Variants in PTGS1 observed in about 807,000 individuals in gnomAD.
PTGS1 encodes the protein prostaglandin G/H synthase 1.
A neutral mutation model predicts 63.0 loss-of-function variants in PTGS1; 40 were observed. That is an observed-to-expected ratio of 0.63 (90% CI 0.49 to 0.83). The LOEUF is 0.83. Ranked by LOEUF, PTGS1 falls within the 40% of genes least tolerant of loss-of-function variation. The pLI is 0.00. For synonymous variants in PTGS1, 298 were observed against 301.9 expected, an observed-to-expected ratio of 0.99 and a Z score of 0.13; for missense variants, 709 against 786.5, an observed-to-expected ratio of 0.90 and a Z score of 1.18.
rs1838370981 is a variant in PTGS1 at position 122,392,846 on chromosome 9, C to T, written c.*302C>T. On this transcript the variant is annotated 3_prime_UTR_variant, in exon 11 of 11. Transcript: ENST00000362012. ...TCAGATTTCTGGTTGATTTGTAACA[C>T]AGTCATTCTAGGATGTGGAGCTACT... 1 of 297,144 alleles carries T rather than the reference C, an allele frequency of 3.4e-6. No homozygotes were observed. Among genetic ancestry groups the T allele is most frequent in the Non-Finnish European group, 6.3e-6 (1 of 158,836 alleles). The allele number at this position is 297,144 out of a possible 1,614,324, so 18.4% of individuals were successfully genotyped here.
At chr9:122,374,688 T>C (rs954152059) in intron 2 of PTGS1, among the ~76,000 whole-genome samples, 4 of 152,158 alleles carry the variant, frequency 2.6e-5, no homozygotes, top group Non-Finnish European at 5.9e-5. Context: ...TGGCAGGAGA[T>C]GGTGATCCCC....
chr9:122,383,207 CTTTTTT>C (rs556984692), intron 7 of PTGS1, among the ~76,000 whole-genome samples: 1 of 70,498 alleles, frequency 1.4e-5, no homozygotes, highest in Non-Finnish European at 2.4e-5. Flanking sequence ...TTTTTTTTTT[CTTTTTT>C]TTTTTTTTCT....
At chr9:122,379,818 T>C (rs919118658) in intron 5 of PTGS1, among the ~76,000 whole-genome samples, 18 of 152,072 alleles carry the variant, frequency 1.2e-4, no homozygotes, top group African/African-American at 4.4e-4. Context: ...TGATATTTTT[T>C]CCTGCCAGAG....
At chr9:122,371,117 G>C (rs1395943902) in intron 1 of PTGS1, 26 bp downstream of exon 1, 1 of 1,605,152 alleles carries the variant, frequency 6.2e-7, no homozygotes, top group Non-Finnish European at 8.5e-7. Flanking sequence ...GTGCCCGGTG[G>C]GGAATTTTCT....
At chr9:122,385,241 A>G (rs1388408735) in intron 8 of PTGS1, among the ~76,000 whole-genome samples, 1 of 152,172 alleles carries the variant, frequency 6.6e-6, no homozygotes, top group Non-Finnish European at 1.5e-5. Flanking sequence ...TATAGGCATG[A>G]GCCACAGCGC....
In PTGS1 at chr9:122,378,803, C is replaced by A. The variant is rs112033264; in HGVS notation, c.381C>A (p.Pro127=). The A allele has an allele frequency of 1.2e-6, 2 of 1,614,244 alleles. No homozygotes were observed. The highest frequency in any genetic ancestry group is 1.6e-4 in the Middle Eastern group (1 of 6,062). Residue 127 remains proline (P), a synonymous_variant, in exon 5 of 11, where the codon CCC becomes CCA. Transcript: ENST00000362012. ...GCTCCAACCTTATCCCCAGTCCCCC[C>A]ACCTACAACTCAGCACATGACTACA... The part of the protein sequence containing the change: ...TVRSNLIPSP[P]TYNSAHDYIS...
chr9:122,383,216 T>A, intron 7 of PTGS1, among the ~76,000 whole-genome samples: 1 of 147,538 alleles, frequency 6.8e-6, no homozygotes, highest in African/African-American at 2.6e-5. Flanking sequence ...TCTTTTTTTT[T>A]TTTTTCTTTT....
intron 2 of PTGS1, chr9:122,371,924 T>C: frequency 1.0e-6 from 1 of 989,576 alleles, no homozygotes; most frequent in Non-Finnish European, 1.5e-6. Flanking sequence ...CTTCGCAAGG[T>C]CTTTCCACAG....
In PTGS1 at chr9:122,383,509, G is replaced by A. The variant is rs1351651607; in HGVS notation, c.763G>A (p.Val255Met). The change falls in exon 8 of 11, where the codon GTG (valine) becomes ATG (methionine). Residue 255 changes from valine (V) to methionine (M), a missense_variant and splice_region_variant. Val to Met is a conservative substitution (Grantham distance 21). Transcript: ENST00000362012. Reference protein sequence around the residue: ...LFKDGKLKYQVLDGEMYPPSV... With the variant: ...LFKDGKLKYQMLDGEMYPPSV... Reference sequence around the variant, plus strand: ...GTTGCCAGGTGGCCCCATCCCACAGGTGCTGGATGGAGAAATGTACCCGCC... The same window carrying A: ...GTTGCCAGGTGGCCCCATCCCACAGATGCTGGATGGAGAAATGTACCCGCC... The A allele has an allele frequency of 1.9e-6, 3 of 1,603,918 alleles. No individual in the cohort carries two copies. The highest frequency in any genetic ancestry group is 2.2e-5 in the South Asian group (2 of 90,536).
In PTGS1 at chr9:122,392,096, C is replaced by T. The variant is rs776752343; in HGVS notation, c.1445-93C>T. On this transcript the variant is annotated intron_variant, in intron 10 of 10. Transcript: ENST00000362012. ...TAGTCTCCTGGAGTCCCTATTATCC[C>T]CAGAAAAAGGTGGACCTGGAAGGGT... The T allele has an allele frequency of 4.0e-4, 445 of 1,111,008 alleles. 1 individual carries two copies. Among genetic ancestry groups the T allele is most frequent in the Non-Finnish European group, 5.1e-4 (399 of 789,542 alleles). 68.8% of individuals were successfully genotyped at this position (1,111,008 alleles called of 1,614,324 possible). A position where few individuals can be genotyped will look rare whatever the true frequency, so the allele number is the denominator to read the frequency against.
At chr9:122,371,579 C>T (rs922435092) in intron 2 of PTGS1, 2 of 1,429,742 alleles carry the variant, frequency 1.4e-6, no homozygotes, top group African/African-American at 2.9e-5. Context: ...GTCTAAGCAG[C>T]CTCTGCACCC....
chr9:122,371,949 C>A, intron 2 of PTGS1: 1 of 781,676 alleles, frequency 1.3e-6, no homozygotes. Context: ...CTGCTTCTAC[C>A]CACAATGGAC....
At chr9:122,391,213 T>G (rs1000705368) in intron 10 of PTGS1, among the ~76,000 whole-genome samples, 6 of 148,970 alleles carry the variant, frequency 4.0e-5, no homozygotes, top group Non-Finnish European at 7.4e-5. Flanking sequence ...CGTATTCATA[T>G]GAATAAAGTA....
chr9:122,374,947 T>C (rs1046192504), intron 2 of PTGS1, among the ~76,000 whole-genome samples: 2 of 152,180 alleles, frequency 1.3e-5, no homozygotes, highest in African/African-American at 4.8e-5. Flanking sequence ...TTCCTCATTA[T>C]GCAATGGGGA....
intron 10 of PTGS1, among the ~76,000 whole-genome samples, chr9:122,391,859 T>C (rs1838306006): frequency 6.6e-6 from 1 of 152,130 alleles, no homozygotes; most frequent in African/African-American, 2.4e-5. Context: ...GGGAGCATTC[T>C]CCCTTCTGTG....
At chr9:122,370,701 T>C (rs1247775691), upstream of PTGS1, 2 of 430,064 alleles carry the variant, frequency 4.7e-6, no homozygotes, top group South Asian at 4.5e-5. Flanking sequence ...GACCCTTTCT[T>C]CTCTGCGGGG....
chr9:122,381,518 T>C lies in PTGS1; in HGVS notation c.644T>C (p.Met215Thr). Residue 215 changes from methionine to threonine, a missense_variant, in exon 6 of 11, where the codon ATG becomes ACG. Met to Thr is a moderately conservative substitution (Grantham distance 81). Coordinates refer to ENST00000362012, the MANE Select transcript of PTGS1 (RefSeq NM_000962.4). ...CAGTTCTTCAAAACTTCTGGCAAGA[T>C]GGGTCCTGGCTTCACCAAGGCCTTG... ...THQFFKTSGKMGPGFTKALGH... is the reference protein window; with the variant it reads ...THQFFKTSGKTGPGFTKALGH... The C allele has an allele frequency of 6.2e-7, 1 of 1,614,200 alleles. No individual in the cohort carries two copies. The highest frequency in any genetic ancestry group is 1.3e-5 in the African/African-American group (1 of 75,052).
At chr9:122,371,131 CCTCCT>C in intron 1 of PTGS1, 40 bp downstream of exon 1, 1 of 1,606,562 alleles carries the variant, frequency 6.2e-7, no homozygotes, top group Non-Finnish European at 8.5e-7. Flanking sequence ...ATTTTCTTGG[CCTCCT>C]GGTGGAGCCT....
intron 2 of PTGS1, among the ~76,000 whole-genome samples, chr9:122,373,637 G>A (rs1254797502): frequency 6.6e-6 from 1 of 152,234 alleles, no homozygotes; most frequent in Non-Finnish European, 1.5e-5. Context: ...AGGAGCCCCA[G>A]GCCAGCTGAC....
Sources: allele counts gnomAD v4.1 joint callset (sites outside exome capture counted in the v4.1 genomes callset), GRCh38; gene constraint gnomAD v4.1.1; transcripts MANE v1.5; gene names NCBI Gene and HGNC (gene_info 2026-07-23, HGNC 2026-07-21).